The following EIF2AK2 variants were observed in gnomAD, a reference collection of about 807,000 sequenced individuals.
The protein encoded by EIF2AK2 is interferon-induced, double-stranded RNA-activated protein kinase.
A neutral mutation model predicts 70.5 loss-of-function variants in EIF2AK2; 40 were observed. The ratio of observed to expected loss-of-function variants is 0.57; its 90% CI spans 0.44 to 0.74. The LOEUF is 0.74. Among genes scored for constraint, EIF2AK2 ranks in the 30% least tolerant of loss-of-function variants. The pLI, the probability that EIF2AK2 is intolerant of heterozygous loss-of-function variation, is 0.00. For synonymous variants in EIF2AK2, 198 were observed against 220.9 expected, an observed-to-expected ratio of 0.90 and a Z score of 0.92; for missense variants, 555 against 644.3, an observed-to-expected ratio of 0.86 and a Z score of 1.50.
intron 11 of EIF2AK2, among the ~76,000 whole-genome samples, chr2:37,124,794 C>G (rs1198420486): frequency 6.6e-6 from 1 of 151,394 alleles, no homozygotes; most frequent in Non-Finnish European, 1.5e-5. Context: ...GTGGTGTGAC[C>G]ATGGCTCACT....
intron 10 of EIF2AK2, among the ~76,000 whole-genome samples, chr2:37,127,845 C>A (rs1324109707): frequency 6.6e-6 from 1 of 151,520 alleles, no homozygotes; most frequent in East Asian, 1.9e-4. Flanking sequence ...CAGGTTCAAG[C>A]GATTCTCCTG....
chr2:37,126,081 TCAATGGTATATC>T (rs1196577310), intron 11 of EIF2AK2, among the ~76,000 whole-genome samples, 196 bp downstream of exon 11: 7 of 152,138 alleles, frequency 4.6e-5, no homozygotes, highest in African/African-American at 1.7e-4. Flanking sequence ...AAAAGGATGA[TCAATGGTATATC>T]CATTTTTATT....
rs1219893180 is a variant in EIF2AK2 at position 37,124,852 on chromosome 2, G to A, written c.908+1437C>T. On this transcript the variant is annotated intron_variant, in intron 11 of 16. Transcript: ENST00000233057. Reference sequence around the variant, plus strand: ...AAATGGTCCTCCCACCTCAGCTTCTGAAGTAGCTGAGACTACAGGCGTGGC... The same window carrying A: ...AAATGGTCCTCCCACCTCAGCTTCTAAAGTAGCTGAGACTACAGGCGTGGC... Among the ~76,000 whole-genome samples the A allele has an allele frequency of 2.6e-5, 4 of 151,160 alleles. No individual in the cohort carries two copies. In the East Asian group the frequency reaches 7.8e-4, roughly 29 times the overall value.
chr2:37,134,151 C>T (rs1675042889), intron 10 of EIF2AK2, among the ~76,000 whole-genome samples: 1 of 152,154 alleles, frequency 6.6e-6, no homozygotes. Context: ...CAAAAAGGAG[C>T]TTCCTTTTTT....
At chr2:37,145,562 T>C (rs62133146) in intron 4 of EIF2AK2, among the ~76,000 whole-genome samples, 1 of 152,112 alleles carries the variant, frequency 6.6e-6, no homozygotes, top group Non-Finnish European at 1.5e-5. Context: ...AAAAAAAATT[T>C]AAATAAAATG....
At chr2:37,117,078 TGGCA>T (rs1558410887) in intron 13 of EIF2AK2, among the ~76,000 whole-genome samples, 1 of 151,818 alleles carries the variant, frequency 6.6e-6, no homozygotes, top group Admixed American at 6.6e-5. Context: ...CTGGGCATCA[TGGCA>T]GGCGCCTGTA....
Position 37,148,960 on chromosome 2 carries a change from G to C in EIF2AK2, c.-120C>G. Reference sequence around the variant, plus strand: ...CAAACCTGAGTCAGATGGAAGAACTGCTAAAGTTTTGAGGTCATTACAATT... The same window carrying C: ...CAAACCTGAGTCAGATGGAAGAACTCCTAAAGTTTTGAGGTCATTACAATT... On this transcript the variant is annotated 5_prime_UTR_variant, in exon 2 of 17. Transcript: ENST00000233057. 1 of 829,776 alleles carries C rather than the reference G, an allele frequency of 1.2e-6. No homozygotes were observed. Among genetic ancestry groups the C allele is most frequent in the Non-Finnish European group, 2.2e-6 (1 of 463,012 alleles). 51.4% of individuals were successfully genotyped at this position (829,776 alleles called of 1,614,324 possible).
chr2:37,119,367 C>A (rs1173978181), intron 13 of EIF2AK2, among the ~76,000 whole-genome samples: 2 of 152,052 alleles, frequency 1.3e-5, no homozygotes, highest in Admixed American at 1.3e-4. Flanking sequence ...GATTAGGGAA[C>A]CATATTCCTA....
chr2:37,123,394 G>C (rs1380405159), intron 11 of EIF2AK2, among the ~76,000 whole-genome samples: 1 of 151,836 alleles, frequency 6.6e-6, no homozygotes, highest in African/African-American at 2.4e-5. Flanking sequence ...AGTCTCCTGA[G>C]TAGCTGGGAC....
chr2:37,121,241 C>T (rs1255697571), intron 12 of EIF2AK2, among the ~76,000 whole-genome samples: 6 of 103,236 alleles, frequency 5.8e-5, no homozygotes, highest in Admixed American at 1.6e-4. Context: ...CCAGCCTGTG[C>T]GACAGTGCGA....
chr2:37,111,723 G>T (rs1281876194), intron 14 of EIF2AK2, among the ~76,000 whole-genome samples: 1 of 47,806 alleles, frequency 2.1e-5, no homozygotes, highest in Non-Finnish European at 4.7e-5. Context: ...CCAGGTGTTG[G>T]TGGTTTGAGC....
chr2:37,145,969 G>C (rs1307115218), intron 4 of EIF2AK2, among the ~76,000 whole-genome samples: 1 of 151,274 alleles, frequency 6.6e-6, no homozygotes, highest in Non-Finnish European at 1.5e-5. Flanking sequence ...GGCCAGGCTG[G>C]TTTTCAACTC....
At position 37,104,444 on chromosome 2, in the gene EIF2AK2, C is replaced by G. The variant is rs531069063; in HGVS notation, c.*2829G>C. Reference sequence around the variant, plus strand: ...AAGTGATCCTCCCACCTCACCCCCCCAAGTAGCTGGGACCACAGATGCACA... The same window carrying G: ...AAGTGATCCTCCCACCTCACCCCCCGAAGTAGCTGGGACCACAGATGCACA... On this transcript the variant is annotated 3_prime_UTR_variant, in exon 17 of 17. Coordinates refer to ENST00000233057, the MANE Select transcript of EIF2AK2 (RefSeq NM_001135651.3). 2.6e-5 allele frequency: 4 copies of G among 152,180 alleles called. No individual in the cohort carries two copies. 9.4% of individuals were successfully genotyped at this position (152,180 alleles called of 1,614,324 possible). A position where few individuals can be genotyped will look rare whatever the true frequency, so the allele number is the denominator to read the frequency against.
At chr2:37,121,487 CTA>C (rs1304554574) in intron 12 of EIF2AK2, among the ~76,000 whole-genome samples, 1 of 151,922 alleles carries the variant, frequency 6.6e-6, no homozygotes, top group East Asian at 1.9e-4. Context: ...CAGTTAGACA[CTA>C]TATCCTTGCC....
chr2:37,143,549 A>C (rs1675416272), intron 4 of EIF2AK2, among the ~76,000 whole-genome samples: 1 of 152,192 alleles, frequency 6.6e-6, no homozygotes, highest in Non-Finnish European at 1.5e-5. Flanking sequence ...AAATATATGC[A>C]GATTTTTTTT....
chr2:37,125,308 G>T (rs1262509739), intron 11 of EIF2AK2, among the ~76,000 whole-genome samples: 2 of 152,204 alleles, frequency 1.3e-5, no homozygotes, highest in Non-Finnish European at 2.9e-5. Flanking sequence ...ACCACACCCA[G>T]TCCCTAAATA....
chr2:37,120,210 T>C (rs1000163044), intron 12 of EIF2AK2, 71 bp from the exon 13 acceptor site: 30 of 1,038,448 alleles, frequency 2.9e-5, no homozygotes, highest in Non-Finnish European at 3.5e-5. Context: ...TTTATAACTT[T>C]TTAAAGTTTT....
At chr2:37,122,686 C>T (rs1674598132) in intron 11 of EIF2AK2, 22 bp from the exon 12 acceptor site, 7 of 1,613,986 alleles carry the variant, frequency 4.3e-6, no homozygotes, top group East Asian at 2.2e-5. Flanking sequence ...GAACAGGGAA[C>T]ATGGCAGTGT....
intron 11 of EIF2AK2, among the ~76,000 whole-genome samples, chr2:37,122,915 C>T (rs929355811): frequency 1.2e-4 from 18 of 152,088 alleles, no homozygotes; most frequent in African/African-American, 3.9e-4. Context: ...GGCCTGTAAT[C>T]CCAGCACTTT....
Sources: gnomAD v4.1 joint callset for allele counts (sites outside exome capture counted in the v4.1 genomes callset) on GRCh38, gnomAD v4.1.1 for gene constraint, MANE v1.5 for transcripts, NCBI Gene and HGNC (gene_info 2026-07-23, HGNC 2026-07-21) for gene names.